DNAH14: variants seen among roughly 807,000 people sequenced by gnomAD.
DNAH14 encodes the protein axonemal beta dynein heavy chain 14.
Under a neutral mutation model 520.9 loss-of-function variants are expected in DNAH14, and 478 were observed. The ratio of observed to expected loss-of-function variants is 0.92; its 90% confidence interval spans 0.85 to 0.99. The LOEUF is 0.99. DNAH14 is among the 50% of genes least tolerant of loss of function. The probability of loss-of-function intolerance (pLI) is 0.00; values close to 1 mark genes in which losing one functional copy is unlikely to be tolerated. For synonymous variants in DNAH14, 1,581 were observed against 1,757.2 expected, an observed-to-expected ratio of 0.90 and a Z score of 2.51; for missense variants, 4,831 against 5,234.5, an observed-to-expected ratio of 0.92 and a Z score of 2.38.
rs2064269722 is a variant in DNAH14 at position 225,007,484 on chromosome 1, GAAACA to G, written c.1049_1053del (p.Lys350ThrfsTer2). The G allele has an allele frequency of 2.6e-6, 4 of 1,541,200 alleles. No homozygotes were observed. In the East Asian group the frequency reaches 9.9e-5, roughly 38 times the overall value. ...AGTTACAGCAAGCTACCCAGGCATT[GAAACA>G]ACTTGAGGACATCAGGAATAAAGCA... is the stretch of plus-strand genomic sequence containing the variant. On this transcript the variant is annotated frameshift_variant, in exon 10 of 86. Transcript: ENST00000682510. LOFTEE classifies it high-confidence loss of function.
chr1:225,380,329 A>C lies in DNAH14; in HGVS notation c.12880+7A>C. On this transcript the variant is annotated splice_region_variant and intron_variant, in intron 80 of 85. Transcript: ENST00000682510. ...CTTTCTAAAAATCTCAAAGGTGAGC[A>C]TGGGACAGGAGCTTTTTCCCCTTAC... The C allele has an allele frequency of 3.9e-6, 6 of 1,549,750 alleles. No individual in the cohort carries two copies. The highest frequency in any genetic ancestry group is 5.2e-6 in the Non-Finnish European group (6 of 1,145,950).
At chr1:224,930,202 A>G (rs958175885) in intron 1 of DNAH14, among the ~76,000 whole-genome samples, 1 of 152,216 alleles carries the variant, frequency 6.6e-6, no homozygotes, top group Non-Finnish European at 1.5e-5. Context: ...CCTTGCCATC[A>G]CTTATTGTAT....
intron 3 of DNAH14, among the ~76,000 whole-genome samples, chr1:224,959,085 T>C (rs2125546200): frequency 6.6e-6 from 1 of 152,166 alleles, no homozygotes; most frequent in African/African-American, 2.4e-5. Flanking sequence ...TGCATGTCAG[T>C]AGTGCCATAG....
chr1:225,339,396 G>C (rs755474818), intron 68 of DNAH14, among the ~76,000 whole-genome samples: 8 of 152,072 alleles, frequency 5.3e-5, no homozygotes, highest in African/African-American at 1.9e-4. Flanking sequence ...GGTTTAATAG[G>C]TATCACTCAA....
At chr1:225,296,979 C>A (rs950670791) in intron 55 of DNAH14, among the ~76,000 whole-genome samples, 1 of 152,058 alleles carries the variant, frequency 6.6e-6, no homozygotes, top group Non-Finnish European at 1.5e-5. Flanking sequence ...GGGGTTGAAT[C>A]TACTTGGGGA....
chr1:225,197,995 G>T (rs531358824), intron 38 of DNAH14, among the ~76,000 whole-genome samples: 1 of 152,190 alleles, frequency 6.6e-6, no homozygotes, highest in South Asian at 2.1e-4. Context: ...GTGACAGTTT[G>T]ACTTCCTCTT....
intron 8 of DNAH14, among the ~76,000 whole-genome samples, chr1:224,995,621 A>T (rs1283226438): frequency 6.6e-6 from 1 of 151,994 alleles, no homozygotes; most frequent in Non-Finnish European, 1.5e-5. Flanking sequence ...ATTTCTTTAA[A>T]TGTGCTTTCT....
intron 31 of DNAH14, chr1:225,151,745 C>A: frequency 1.6e-6 from 1 of 612,962 alleles, no homozygotes. Flanking sequence ...ACTCATTCAG[C>A]TAGGTATCTT....
intron 10 of DNAH14, among the ~76,000 whole-genome samples, chr1:225,009,599 G>A (rs997280221): frequency 8.6e-5 from 13 of 152,002 alleles, no homozygotes; most frequent in Admixed American, 2.6e-4. Context: ...CTCTTTTTTG[G>A]TTCCATATTA....
chr1:225,390,374 C>T (rs1054225630), intron 83 of DNAH14, among the ~76,000 whole-genome samples: 2 of 152,006 alleles, frequency 1.3e-5, no homozygotes, highest in African/African-American at 2.4e-5. Context: ...GATGCGTGGT[C>T]GTGGGGTGGA....
intron 17 of DNAH14, among the ~76,000 whole-genome samples, chr1:225,054,630 T>G (rs923915461): frequency 6.6e-6 from 1 of 152,158 alleles, no homozygotes; most frequent in African/African-American, 2.4e-5. Context: ...AATTTCTTCT[T>G]GCATTTCTGG....
intron 38 of DNAH14, among the ~76,000 whole-genome samples, chr1:225,202,275 T>C (rs1451777168): frequency 6.6e-6 from 1 of 152,166 alleles, no homozygotes; most frequent in African/African-American, 2.4e-5. Context: ...ACCCTTCATC[T>C]TCAGCTACCA....
Position 225,192,898 on chromosome 1 carries a change from C to G in DNAH14, c.5873C>G (p.Ser1958Ter). 1 of 1,546,794 alleles carries G rather than the reference C, an allele frequency of 6.5e-7. No homozygotes were observed. Among genetic ancestry groups the G allele is most frequent in the Non-Finnish European group, 8.7e-7 (1 of 1,144,022 alleles). ...GATCTCAGACTAAAGTCAAGAATCT[C>G]AGATTTATCCAATGTAAGTTTAGTA... Reference protein sequence around the residue: ...DIDLRLKSRISDLSNVFKLDS... With the variant: ...DIDLRLKSRI Residue 1958 changes from serine to a stop codon, truncating the protein, a stop_gained, in exon 38 of 86, where the codon TCA becomes TGA. Coordinates refer to ENST00000682510, the MANE Select transcript of DNAH14 (RefSeq NM_001367479.1). LOFTEE classifies it high-confidence loss of function.
At position 225,357,559 on chromosome 1, in the gene DNAH14, G is replaced by A. The variant is rs561662542; in HGVS notation, c.11620-937G>A. 6.4e-4 allele frequency among the ~76,000 whole-genome samples: 98 copies of A among 152,182 alleles called. 2 individuals carry two copies. Among genetic ancestry groups the A allele is most frequent in the South Asian group, 6.0e-3 (29 of 4,822 alleles). On this transcript the variant is annotated intron_variant, in intron 73 of 85. Transcript: ENST00000682510. ...GTATTCTAAGTGAACTCTGCTATTAGACCTAGAGTCTTTGTGTGCTGCCTC... is the reference window on the plus strand; with the variant it reads ...GTATTCTAAGTGAACTCTGCTATTAAACCTAGAGTCTTTGTGTGCTGCCTC...
intron 38 of DNAH14, among the ~76,000 whole-genome samples, chr1:225,193,794 G>A (rs1309738844): frequency 6.6e-6 from 1 of 152,036 alleles, no homozygotes; most frequent in African/African-American, 2.4e-5. Context: ...TCTATACCTA[G>A]AAAACCCCAT....
At chr1:225,084,676 G>T (rs572109882) in intron 20 of DNAH14, among the ~76,000 whole-genome samples, 1 of 151,690 alleles carries the variant, frequency 6.6e-6, no homozygotes, top group Admixed American at 6.6e-5. Flanking sequence ...AATAAAGTTA[G>T]ATAATTAACT....
At chr1:225,221,789 G>A (rs890803814) in intron 41 of DNAH14, among the ~76,000 whole-genome samples, 1 of 152,132 alleles carries the variant, frequency 6.6e-6, no homozygotes, top group African/African-American at 2.4e-5. Flanking sequence ...CAGGGTCAAA[G>A]GGCATAGGTA....
intron 29 of DNAH14, 27 bp downstream of exon 29, chr1:225,144,655 A>T: frequency 6.6e-7 from 1 of 1,515,258 alleles, no homozygotes; most frequent in East Asian, 2.5e-5. Context: ...TCCAGAATAA[A>T]AACTTTTTTC....
intron 17 of DNAH14, among the ~76,000 whole-genome samples, chr1:225,075,060 G>A (rs2072086479): frequency 1.3e-5 from 2 of 152,198 alleles, no homozygotes; most frequent in Non-Finnish European, 2.9e-5. Context: ...CTGGGTTTCT[G>A]TGCATACCTG....
Sources: gnomAD v4.1 joint callset for allele counts (sites outside exome capture counted in the v4.1 genomes callset) on GRCh38, gnomAD v4.1.1 for gene constraint, MANE v1.5 for transcripts, NCBI Gene and HGNC (gene_info 2026-07-23, HGNC 2026-07-21) for gene names.